The following LEKR1 variants were observed in gnomAD, a reference collection of about 807,000 sequenced individuals.
LEKR1 encodes protein LEKR1.
Under a neutral mutation model 72.4 loss-of-function variants are expected in LEKR1, and 59 were observed. The observed-to-expected ratio is 0.82, with a 90% CI of 0.66 to 1.01. LEKR1 has a LOEUF of 1.01. Among genes scored for constraint, LEKR1 ranks in the 50% least tolerant of loss-of-function variants. The pLI is 0.00. For synonymous variants in LEKR1, 257 were observed against 263.2 expected, an observed-to-expected ratio of 0.98 and a Z score of 0.23; for missense variants, 728 against 759.2, an observed-to-expected ratio of 0.96 and a Z score of 0.48.
intron 3 of LEKR1, among the ~76,000 whole-genome samples, chr3:156,887,030 A>ATGTT (rs555291155): frequency 1.4e-3 from 219 of 152,092 alleles, no homozygotes; most frequent in Non-Finnish European, 2.8e-3. Flanking sequence ...CTGCCATTTT[A>ATGTT]TGTTATATGT....
chr3:157,044,002 A>G (rs1735564097), intron 12 of LEKR1, among the ~76,000 whole-genome samples: 1 of 152,236 alleles, frequency 6.6e-6, no homozygotes, highest in Non-Finnish European at 1.5e-5. Flanking sequence ...CAAATTTGGA[A>G]TTGAATAGAG....
At chr3:156,899,238 A>G (rs972148374) in intron 3 of LEKR1, among the ~76,000 whole-genome samples, 51 of 46,536 alleles carry the variant, frequency 1.1e-3, no homozygotes, top group African/African-American at 4.7e-3. Context: ...AGCTCTGTCT[A>G]TATACATATA....
intron 10 of LEKR1, among the ~76,000 whole-genome samples, chr3:157,022,551 T>G (rs1733916845): frequency 1.3e-5 from 2 of 152,092 alleles, no homozygotes; most frequent in African/African-American, 4.8e-5. Flanking sequence ...TGAAAGATGA[T>G]GTTCCAGTCA....
intron 7 of LEKR1, among the ~76,000 whole-genome samples, chr3:156,984,638 C>T (rs978447741): frequency 6.6e-6 from 1 of 152,074 alleles, no homozygotes; most frequent in African/African-American, 2.4e-5. Context: ...GATTGCGACA[C>T]TGCACTCCAG....
intron 3 of LEKR1, among the ~76,000 whole-genome samples, chr3:156,863,432 G>C (rs1043742552): frequency 6.6e-6 from 1 of 151,882 alleles, no homozygotes; most frequent in Non-Finnish European, 1.5e-5. Flanking sequence ...TTACCATAAC[G>C]CCTGAACAAA....
chr3:156,921,819 C>A (rs1400026435), intron 4 of LEKR1, among the ~76,000 whole-genome samples: 1 of 152,164 alleles, frequency 6.6e-6, no homozygotes, highest in Non-Finnish European at 1.5e-5. Flanking sequence ...ATTGCCGCTT[C>A]AGGATATTAT....
At chr3:156,927,045 G>A (rs924437996) in intron 4 of LEKR1, among the ~76,000 whole-genome samples, 3 of 151,758 alleles carry the variant, frequency 2.0e-5, no homozygotes, top group Admixed American at 6.6e-5. Flanking sequence ...CATGGTATGC[G>A]GGACAAATGC....
chr3:157,001,544 T>C (rs190643614), intron 9 of LEKR1, among the ~76,000 whole-genome samples: 14 of 152,308 alleles, frequency 9.2e-5, no homozygotes, highest in Admixed American at 3.9e-4. Flanking sequence ...TCATTTTCCT[T>C]TTGGTCCAAT....
chr3:156,968,937 C>T (rs1466036694), intron 6 of LEKR1, among the ~76,000 whole-genome samples: 1 of 152,220 alleles, frequency 6.6e-6, no homozygotes, highest in Non-Finnish European at 1.5e-5. Context: ...TTTCAGACCA[C>T]AGTGCAATCA....
intron 3 of LEKR1, among the ~76,000 whole-genome samples, chr3:156,879,741 G>C (rs1011005876): frequency 2.6e-5 from 4 of 152,162 alleles, no homozygotes; most frequent in Non-Finnish European, 5.9e-5. Context: ...GTGCATCCTA[G>C]GTACTTGGTG....
intron 1 of LEKR1, chr3:156,826,912 G>A (rs922653770): frequency 3.9e-5 from 6 of 155,520 alleles, no homozygotes; most frequent in African/African-American, 1.4e-4. Flanking sequence ...ACACTAGTGT[G>A]AGAAACGGAA....
At chr3:156,886,556 C>T (rs116236261) in intron 3 of LEKR1, among the ~76,000 whole-genome samples, 1,575 of 152,242 alleles carry the variant, frequency 0.01, 11 homozygotes, top group Non-Finnish European at 0.017. Context: ...CCCCAAGGGT[C>T]CCTGTCAGAT....
intron 6 of LEKR1, among the ~76,000 whole-genome samples, chr3:156,969,020 A>G (rs1376947680): frequency 6.6e-6 from 1 of 152,218 alleles, no homozygotes; most frequent in East Asian, 1.9e-4. Flanking sequence ...CTGCTCCTGA[A>G]TGACTACTGG....
intron 6 of LEKR1, among the ~76,000 whole-genome samples, chr3:156,971,859 G>T (rs1315833049): frequency 1.3e-5 from 2 of 152,152 alleles, no homozygotes; most frequent in African/African-American, 2.4e-5. Context: ...TGGAGAGGAT[G>T]TAGAGAAATA....
At chr3:157,025,751 C>T (rs1248545808) in intron 11 of LEKR1, among the ~76,000 whole-genome samples, 1 of 152,030 alleles carries the variant, frequency 6.6e-6, no homozygotes, top group East Asian at 1.9e-4. Context: ...TCTAACTGGG[C>T]ATGGTGGCTC....
intron 12 of LEKR1, among the ~76,000 whole-genome samples, chr3:157,042,710 A>G (rs973373105): frequency 1.3e-5 from 2 of 152,212 alleles, no homozygotes; most frequent in African/African-American, 2.4e-5. Context: ...AGCTCTTGTC[A>G]TCACATCCTC....
intron 6 of LEKR1, among the ~76,000 whole-genome samples, chr3:156,947,905 T>G (rs1313230743): frequency 6.6e-6 from 1 of 151,178 alleles, no homozygotes; most frequent in Non-Finnish European, 1.5e-5. Flanking sequence ...AATATAATTT[T>G]ATTTACCTCT....
intron 9 of LEKR1, among the ~76,000 whole-genome samples, chr3:157,008,014 G>T (rs976283345): frequency 6.6e-6 from 1 of 152,210 alleles, no homozygotes. Flanking sequence ...ATATTTGGAA[G>T]AAAGCCCTGA....
At chr3:156,870,457 A>G (rs1266524110) in intron 3 of LEKR1, among the ~76,000 whole-genome samples, 1 of 152,006 alleles carries the variant, frequency 6.6e-6, no homozygotes, top group Non-Finnish European at 1.5e-5. Context: ...GCTATTGTAA[A>G]CAGAATTGGC....
Sources: allele counts gnomAD v4.1 joint callset (sites outside exome capture counted in the v4.1 genomes callset), GRCh38; gene constraint gnomAD v4.1.1; transcripts MANE v1.5; gene names NCBI Gene and HGNC (gene_info 2026-07-23, HGNC 2026-07-21).